Variants in TOPBP1 observed in about 807,000 individuals in gnomAD.
TOPBP1 encodes DNA topoisomerase II binding protein 1, also known as DNA topoisomerase 2-binding protein 1.
A neutral mutation model predicts 167.7 loss-of-function variants in TOPBP1; 28 were observed. The ratio of observed to expected loss-of-function variants is 0.17; its 90% CI spans 0.12 to 0.23. The LOEUF (loss-of-function observed/expected upper bound fraction) is 0.23, where lower values mean the gene tolerates loss of function less well. Ranked by LOEUF, TOPBP1 falls within the 10% of genes least tolerant of loss-of-function variation. The pLI is 1.00. For missense variants in TOPBP1, 1,554 were observed against 1,809.6 expected, an observed-to-expected ratio of 0.86 and a Z score of 2.56; for synonymous variants, 598 against 611.4, an observed-to-expected ratio of 0.98 and a Z score of 0.32.
intron 19 of TOPBP1, among the ~76,000 whole-genome samples, chr3:133,622,400 C>G (rs964932841): frequency 2.0e-5 from 3 of 151,616 alleles, no homozygotes; most frequent in African/African-American, 2.4e-5. Context: ...TCTATGTTGG[C>G]CAGGCTGATC....
At chr3:133,659,517 T>TA (rs1409352186) in intron 2 of TOPBP1, among the ~76,000 whole-genome samples, 1 of 152,208 alleles carries the variant, frequency 6.6e-6, no homozygotes, top group Non-Finnish European at 1.5e-5. Context: ...CTCTCTTGCT[T>TA]ATTCTATTCC....
intron 2 of TOPBP1, among the ~76,000 whole-genome samples, chr3:133,660,160 A>T (rs1936638040): frequency 6.6e-6 from 1 of 152,180 alleles, no homozygotes; most frequent in Non-Finnish European, 1.5e-5. Context: ...AGATATCTGC[A>T]AGGCTATCTC....
rs965065115 is a variant in TOPBP1, at chr3:133,644,120, A to G, written c.1748T>C (p.Met583Thr). The change falls in exon 11 of 28, where the codon ATG becomes ACG. Residue 583 changes from methionine to threonine, a missense_variant. Physicochemically the swap from Met to Thr is moderately conservative, Grantham distance 81. Around this residue, in one of 3 missense-constraint regions of TOPBP1, gnomAD observed 1,197 missense variants for 1,351.5 expected, o/e 0.89. Coordinates refer to ENST00000260810, the MANE Select transcript of TOPBP1 (RefSeq NM_007027.4). ...NIIKENAGKI[M>T]SLLSRTVADY... ...CGCAACAGTTCTGCTCAGAAGGGAC[A>G]TGATTTTCCCAGCATTTTCTTTTAT... 3 of 1,613,856 alleles carry G rather than the reference A, an allele frequency of 1.9e-6. No homozygotes were observed. The highest frequency in any genetic ancestry group is 4.5e-5 in the East Asian group (2 of 44,892).
intron 14 of TOPBP1, among the ~76,000 whole-genome samples, chr3:133,634,377 C>T (rs770914326): frequency 2.6e-5 from 4 of 152,050 alleles, no homozygotes; most frequent in South Asian, 2.1e-4. Flanking sequence ...GGCATGGTGG[C>T]GCATGCCTGT....
intron 14 of TOPBP1, among the ~76,000 whole-genome samples, chr3:133,637,652 C>A (rs1935724422): frequency 6.6e-6 from 1 of 152,212 alleles, no homozygotes; most frequent in Non-Finnish European, 1.5e-5. Context: ...CGATCCAGTA[C>A]TTGAACCCAG....
chr3:133,656,502 C>T (rs1466396967), intron 5 of TOPBP1, among the ~76,000 whole-genome samples, 174 bp downstream of exon 5: 4 of 152,162 alleles, frequency 2.6e-5, no homozygotes, highest in African/African-American at 9.7e-5. Context: ...TGCCTGTCAA[C>T]TTATATCTTG....
In TOPBP1 at chr3:133,637,975, T is replaced by G; in HGVS notation, c.2421A>C (p.Ala807=). ...QHARQVAASP[A]VGQPLQKEPS... ...GCTCCTTCTGAAGTGGTTGTCCTAC[T>G]GCTGGGGAGGCTGCGACCTGTCTGG... Residue 807 remains alanine (A), a synonymous_variant, in exon 14 of 28, where the codon GCA becomes GCC. Coordinates refer to ENST00000260810, the MANE Select transcript of TOPBP1 (RefSeq NM_007027.4). 6.2e-7 allele frequency: 1 copy of G among 1,613,978 alleles called. No homozygotes were observed. Among genetic ancestry groups the G allele is most frequent in the African/African-American group, 1.3e-5 (1 of 75,028 alleles).
chr3:133,609,025 G>A (rs1934590010), intron 25 of TOPBP1, 63 bp from the exon 26 acceptor site: 2 of 1,269,980 alleles, frequency 1.6e-6, no homozygotes, highest in Admixed American at 2.2e-5. Flanking sequence ...TACAGATAAT[G>A]CATGATTTTA....
intron 25 of TOPBP1, among the ~76,000 whole-genome samples, chr3:133,609,598 C>T (rs976138019): frequency 1.3e-5 from 2 of 152,110 alleles, no homozygotes; most frequent in African/African-American, 4.8e-5. Flanking sequence ...GGGGGCAGTT[C>T]CCTCATGCTG....
At chr3:133,650,360 T>C (rs928353017) in intron 8 of TOPBP1, among the ~76,000 whole-genome samples, 9 of 77,638 alleles carry the variant, frequency 1.2e-4, no homozygotes, top group Non-Finnish European at 1.8e-4. Flanking sequence ...AAATTGTGTG[T>C]GTGTGGGGGG....
chr3:133,616,747 G>T, intron 23 of TOPBP1, 67 bp downstream of exon 23: 4 of 871,202 alleles, frequency 4.6e-6, no homozygotes, highest in South Asian at 2.0e-5. Context: ...TATTAATATT[G>T]ACTACATTTG....
chr3:133,644,885 A>G (rs1936025084), intron 10 of TOPBP1, among the ~76,000 whole-genome samples: 1 of 152,240 alleles, frequency 6.6e-6, no homozygotes, highest in South Asian at 2.1e-4. Context: ...GCTATCCAAG[A>G]ATCACTCTTT....
intron 12 of TOPBP1, among the ~76,000 whole-genome samples, chr3:133,641,033 C>G (rs566783645): frequency 6.6e-6 from 1 of 152,108 alleles, no homozygotes; most frequent in Non-Finnish European, 1.5e-5. Flanking sequence ...GTTTTATGTT[C>G]TAGTTCCCAA....
At chr3:133,610,444 A>G (rs536576888) in intron 25 of TOPBP1, among the ~76,000 whole-genome samples, 8 of 147,948 alleles carry the variant, frequency 5.4e-5, no homozygotes, top group African/African-American at 1.9e-4. Flanking sequence ...AACAAATAAT[A>G]TAAATAACTA....
chr3:133,608,223 T>C (rs1345124662), intron 27 of TOPBP1, among the ~76,000 whole-genome samples: 3 of 152,176 alleles, frequency 2.0e-5, no homozygotes, highest in African/African-American at 7.2e-5. Flanking sequence ...TGGATAAATG[T>C]TTCTCCTTGG....
Position 133,608,998 on chromosome 3 carries a change from G to A in TOPBP1, c.4174-36C>T, listed in dbSNP as rs891237639. On this transcript the variant is annotated intron_variant, in intron 25 of 27. Transcript: ENST00000260810. ...AAAACAATCAGTGGTGAAATCATTT[G>A]GAAAATAACAAAATAATACAGATAA... is the stretch of plus-strand genomic sequence containing the variant. The A allele has an allele frequency of 3.3e-6, 5 of 1,505,094 alleles. No homozygotes were observed. The African/African-American group carries it at 7.0e-5, about 21-fold the overall frequency. 93.2% of individuals were successfully genotyped at this position (1,505,094 alleles called of 1,614,324 possible). A position where few individuals can be genotyped will look rare whatever the true frequency, so the allele number is the denominator to read the frequency against.
chr3:133,659,284 G>T, intron 2 of TOPBP1, 134 bp from the exon 3 acceptor site: 1 of 860,492 alleles, frequency 1.2e-6, no homozygotes, highest in Non-Finnish European at 1.7e-6. Context: ...CTCTGCAGAA[G>T]GCTCCCAAGT....
chr3:133,613,300 C>T (rs1157077844), intron 23 of TOPBP1, among the ~76,000 whole-genome samples: 1 of 152,168 alleles, frequency 6.6e-6, no homozygotes, highest in East Asian at 1.9e-4. Context: ...AACAAAGATT[C>T]TTTGCTGTCT....
intron 20 of TOPBP1, among the ~76,000 whole-genome samples, chr3:133,618,808 C>G (rs1934985041): frequency 6.6e-6 from 1 of 152,102 alleles, no homozygotes; most frequent in South Asian, 2.1e-4. Flanking sequence ...GTTTCAAACA[C>G]TATGGTTACT....
Sources: allele counts gnomAD v4.1 joint callset (sites outside exome capture counted in the v4.1 genomes callset), GRCh38; gene constraint gnomAD v4.1.1; regional missense constraint gnomAD v4.1.1; transcripts MANE v1.5; gene names NCBI Gene and HGNC (gene_info 2026-07-23, HGNC 2026-07-21).